Variants in DENND2B observed in about 807,000 individuals in gnomAD.
The protein encoded by DENND2B is DENN domain-containing protein 2B.
Under a neutral mutation model 116.0 loss-of-function variants are expected in DENND2B, and 32 were observed. That is an observed-to-expected ratio of 0.28 (90% CI 0.21 to 0.37). The LOEUF (loss-of-function observed/expected upper bound fraction) is 0.37. Ranked by LOEUF, DENND2B falls within the 10% of genes least tolerant of loss-of-function variation. DENND2B has a pLI of 1.00. For synonymous variants in DENND2B, 588 were observed against 583.9 expected, an observed-to-expected ratio of 1.01 and a Z score of -0.10; for missense variants, 1,276 against 1,477.7, an observed-to-expected ratio of 0.86 and a Z score of 2.24.
Position 8,712,491 on chromosome 11 carries a change from T to C in DENND2B, c.2172+60A>G. On this transcript the variant is annotated intron_variant, in intron 9 of 19. Transcript: ENST00000313726. This position sits in a 1 kb window ranked among gnomAD's most constrained non-coding sequence, Gnocchi z 4.4. The stretch of plus-strand genomic sequence containing the variant: ...ATCTCTCTCCTTCCCCAGATAGGCC[T>C]GGCGGATAGAGGATGGAAGAGGGGG... 2 of 1,495,034 alleles carry C rather than the reference T, an allele frequency of 1.3e-6. No homozygotes were observed. Among genetic ancestry groups the C allele is most frequent in the South Asian group, 1.3e-5 (1 of 77,548 alleles). The allele number at this position is 1,495,034 out of a possible 1,614,324, so 92.6% of individuals were successfully genotyped here.
intron 1 of DENND2B, among the ~76,000 whole-genome samples, chr11:8,797,641 G>C (rs917864447): frequency 2.0e-5 from 3 of 151,630 alleles, no homozygotes; most frequent in African/African-American, 7.3e-5. Flanking sequence ...CCAGGCTGGA[G>C]TGCCATGATC....
At chr11:8,763,956 G>T (rs2055140078) in intron 1 of DENND2B, among the ~76,000 whole-genome samples, 1 of 152,190 alleles carries the variant, frequency 6.6e-6, no homozygotes, top group African/African-American at 2.4e-5. Context: ...AGGTGTGGTG[G>T]CTCAAGCCTG....
At chr11:8,883,229 A>T (rs1382011362) in intron 1 of DENND2B, among the ~76,000 whole-genome samples, 1 of 152,186 alleles carries the variant, frequency 6.6e-6, no homozygotes, top group Non-Finnish European at 1.5e-5. Context: ...GCAAAAAGAG[A>T]TCTCTTTAGA....
intron 1 of DENND2B, among the ~76,000 whole-genome samples, chr11:8,771,116 G>A (rs551587965): frequency 2.0e-5 from 3 of 152,172 alleles, no homozygotes; most frequent in East Asian, 3.9e-4. Flanking sequence ...GCTTTTCCTC[G>A]AAAACATATC....
chr11:8,885,768 T>C (rs1008229176), intron 1 of DENND2B, among the ~76,000 whole-genome samples: 6 of 152,188 alleles, frequency 3.9e-5, no homozygotes, highest in Admixed American at 3.9e-4. Flanking sequence ...AAGCATACCA[T>C]TCTGAAGAAA....
At chr11:8,697,378 G>A in intron 17 of DENND2B, 147 bp downstream of exon 17, 1 of 619,568 alleles carries the variant, frequency 1.6e-6, no homozygotes, top group South Asian at 2.0e-5. Flanking sequence ...AACTACCTGG[G>A]GTAGAAAAGA....
upstream of DENND2B, among the ~76,000 whole-genome samples, chr11:8,875,167 CA>C (rs1426899056): frequency 6.6e-6 from 1 of 151,652 alleles, no homozygotes; most frequent in East Asian, 2.0e-4. Context: ...ACTAAAGATA[CA>C]AAAAATTAGC....
chr11:8,756,102 C>A (rs1281377254), intron 1 of DENND2B, among the ~76,000 whole-genome samples: 1 of 152,170 alleles, frequency 6.6e-6, no homozygotes, highest in Non-Finnish European at 1.5e-5. Context: ...GTAACCATCA[C>A]CATCCATGAA....
At chr11:8,861,948 T>C (rs914027106) in intron 2 of DENND2B, among the ~76,000 whole-genome samples, 2 of 152,004 alleles carry the variant, frequency 1.3e-5, no homozygotes, top group Non-Finnish European at 2.9e-5. Context: ...AAATACTGTA[T>C]GTTCTCACTT....
chr11:8,869,650 C>T (rs2063707790), intron 2 of DENND2B, among the ~76,000 whole-genome samples: 1 of 150,216 alleles, frequency 6.7e-6, no homozygotes, highest in African/African-American at 2.5e-5. Context: ...AGAGAGACTC[C>T]GTCTCGAAAA....
intron 2 of DENND2B, among the ~76,000 whole-genome samples, chr11:8,733,957 C>G (rs2048526854): frequency 6.6e-6 from 1 of 152,154 alleles, no homozygotes; most frequent in Non-Finnish European, 1.5e-5. Context: ...ACCTGGGACC[C>G]ACGGCTTCAC....
At chr11:8,770,417 T>C (rs2056649875) in intron 1 of DENND2B, among the ~76,000 whole-genome samples, 1 of 152,202 alleles carries the variant, frequency 6.6e-6, no homozygotes, top group Admixed American at 6.5e-5. Context: ...TAGTAGTCAC[T>C]ACTTCATAGA....
intron 3 of DENND2B, among the ~76,000 whole-genome samples, chr11:8,845,809 T>C (rs1444789788): frequency 2.0e-5 from 3 of 152,208 alleles, no homozygotes. Flanking sequence ...ACAGTGGCAT[T>C]ATCAAAATTA....
intron 1 of DENND2B, among the ~76,000 whole-genome samples, chr11:8,888,580 G>A (rs1005247187): frequency 6.6e-6 from 1 of 152,092 alleles, no homozygotes; most frequent in Non-Finnish European, 1.5e-5. Context: ...ATATTGCACT[G>A]CATTAAAATT....
At chr11:8,779,866 G>C (rs1029183577) in intron 1 of DENND2B, among the ~76,000 whole-genome samples, 12 of 152,128 alleles carry the variant, frequency 7.9e-5, no homozygotes, top group African/African-American at 2.9e-4. Context: ...GCATGTCATG[G>C]AATGCAGCCA....
chr11:8,811,485 A>G (rs1038366519), upstream of DENND2B: 6 of 393,198 alleles, frequency 1.5e-5, no homozygotes, highest in Admixed American at 1.3e-4. Context: ...GCTTAGTGGG[A>G]GCTGCTGTCA....
chr11:8,699,763 C>G (rs2041168690), intron 14 of DENND2B: 1 of 436,380 alleles, frequency 2.3e-6, no homozygotes, highest in Non-Finnish European at 4.6e-6. Context: ...CGTGGGTACC[C>G]TCTCCCACCC....
chr11:8,743,386 C>A (rs970881944), intron 2 of DENND2B, among the ~76,000 whole-genome samples: 13 of 151,422 alleles, frequency 8.6e-5, no homozygotes, highest in Admixed American at 7.9e-4. Context: ...CCCGTCTCTA[C>A]TAAAAATGCA....
intron 2 of DENND2B, among the ~76,000 whole-genome samples, chr11:8,733,274 T>C (rs1436805733): frequency 6.6e-6 from 1 of 152,198 alleles, no homozygotes; most frequent in African/African-American, 2.4e-5. Context: ...AGGTCTCTCT[T>C]ATTTTATAGA....
Sources: allele counts gnomAD v4.1 joint callset (sites outside exome capture counted in the v4.1 genomes callset), GRCh38; gene constraint gnomAD v4.1.1; non-coding constraint Gnocchi (gnomAD v3.1); transcripts MANE v1.5; gene names NCBI Gene and HGNC (gene_info 2026-07-23, HGNC 2026-07-21).